The following GRK3 variants were observed in gnomAD, a reference collection of about 807,000 sequenced individuals.
The protein encoded by GRK3 is adrenergic, beta, receptor kinase 2.
Under a neutral mutation model 95.7 loss-of-function variants are expected in GRK3, and 54 were observed. The observed-to-expected ratio is 0.56, with a 90% confidence interval of 0.45 to 0.71. The LOEUF is 0.71. Among genes scored for constraint, GRK3 ranks in the 30% least tolerant of loss-of-function variants. GRK3 has a pLI of 0.00. For synonymous variants in GRK3, 281 were observed against 290.8 expected, an observed-to-expected ratio of 0.97 and a Z score of 0.34; for missense variants, 649 against 851.2, an observed-to-expected ratio of 0.76 and a Z score of 2.96.
chr22:25,681,456 A>G (rs915446208), intron 9 of GRK3, among the ~76,000 whole-genome samples: 12 of 151,026 alleles, frequency 7.9e-5, no homozygotes, highest in Admixed American at 5.9e-4. Context: ...GAGCCCAGGC[A>G]CGTGAGGTTG....
At chr22:25,596,049 A>G (rs2084370321) in intron 1 of GRK3, among the ~76,000 whole-genome samples, 1 of 152,232 alleles carries the variant, frequency 6.6e-6, no homozygotes, top group African/African-American at 2.4e-5. Context: ...AAGAACCACC[A>G]CCACCAACCA....
intron 2 of GRK3, among the ~76,000 whole-genome samples, chr22:25,612,077 C>T (rs1357648160): frequency 2.0e-5 from 3 of 152,134 alleles, no homozygotes; most frequent in African/African-American, 4.8e-5. Context: ...AGGCAATCCA[C>T]CCGCCTCGGC....
intron 15 of GRK3, among the ~76,000 whole-genome samples, chr22:25,705,241 A>G (rs146223291): frequency 4.3e-4 from 66 of 152,208 alleles, no homozygotes; most frequent in Middle Eastern, 3.4e-3. Flanking sequence ...TTGAAACGCT[A>G]TTTTGAGCTC....
chr22:25,695,695 C>G (rs1282186871), intron 13 of GRK3, among the ~76,000 whole-genome samples: 1 of 152,054 alleles, frequency 6.6e-6, no homozygotes, highest in Non-Finnish European at 1.5e-5. Context: ...TCTCTGTTGC[C>G]TGGCTGCAGT....
At chr22:25,638,106 G>A (rs1470364387) in intron 2 of GRK3, among the ~76,000 whole-genome samples, 2 of 152,058 alleles carry the variant, frequency 1.3e-5, no homozygotes, top group East Asian at 1.9e-4. Flanking sequence ...CTTACACCAC[G>A]ATTAATCTCC....
intron 16 of GRK3, among the ~76,000 whole-genome samples, chr22:25,710,739 G>GT (rs905715590): frequency 2.8e-4 from 43 of 152,328 alleles, no homozygotes; most frequent in African/African-American, 1.0e-3. Flanking sequence ...CAAAGGTGGT[G>GT]TTGCGTCCTC....
intron 11 of GRK3, among the ~76,000 whole-genome samples, chr22:25,687,995 GGGAGGCCAA>G (rs1260107866): frequency 3.3e-5 from 5 of 152,160 alleles, no homozygotes; most frequent in Admixed American, 1.3e-4. Context: ...CCAGCACTTT[GGGAGGCCAA>G]GGAGGGCGGA....
At chr22:25,573,158 C>T (rs759609255) in intron 1 of GRK3, among the ~76,000 whole-genome samples, 3 of 152,222 alleles carry the variant, frequency 2.0e-5, no homozygotes, top group Non-Finnish European at 4.4e-5. Flanking sequence ...AAGCTGTCCC[C>T]AGCTCCTTTA....
At position 25,714,691 on chromosome 22, in the gene GRK3, A is replaced by G. The variant is rs936765167; in HGVS notation, c.1654+121A>G. On this transcript the variant is annotated intron_variant, in intron 18 of 20. Coordinates refer to ENST00000324198, the MANE Select transcript of GRK3 (RefSeq NM_005160.4). ...GCAGTCGAGAAGAAAGCAATGCCAT[A>G]AATCGCTTTAGTTTGCTCTGGCTTG... 33 of 921,080 alleles carry G rather than the reference A, an allele frequency of 3.6e-5. No homozygotes were observed. The Middle Eastern group carries it at 1.0e-3, about 29-fold the overall frequency. 57.1% of individuals were successfully genotyped at this position (921,080 alleles called of 1,614,324 possible). A position where few individuals can be genotyped will look rare whatever the true frequency, so the allele number is the denominator to read the frequency against.
Position 25,726,134 on chromosome 22 carries a change from T to C in GRK3, c.*3684T>C, listed in dbSNP as rs1398160254. On this transcript the variant is annotated 3_prime_UTR_variant, in exon 21 of 21. Transcript: ENST00000324198. ...GACTGTTTGAAGGCCACACTGGTCA[T>C]CTACAAAGTAATGTTTACCAATTGA... is the stretch of plus-strand genomic sequence containing the variant. 1 of 152,212 alleles carries C rather than the reference T, an allele frequency of 6.6e-6. No individual in the cohort carries two copies. Among genetic ancestry groups the C allele is most frequent in the Non-Finnish European group, 1.5e-5 (1 of 68,060 alleles). The allele number at this position is 152,212 out of a possible 1,614,324, so 9.4% of individuals were successfully genotyped here. A position where few individuals can be genotyped will look rare whatever the true frequency, so the allele number is the denominator to read the frequency against.
intron 1 of GRK3, among the ~76,000 whole-genome samples, chr22:25,577,654 T>G (rs1601446552): frequency 6.6e-6 from 1 of 152,360 alleles, no homozygotes; most frequent in East Asian, 1.9e-4. Context: ...GCTTTTGCCT[T>G]CTTCACCTAG....
chr22:25,700,231 A>G (rs1227581232), intron 13 of GRK3, among the ~76,000 whole-genome samples: 4 of 152,240 alleles, frequency 2.6e-5, no homozygotes, highest in Non-Finnish European at 5.9e-5. Context: ...AGTGCTGGTC[A>G]CTACTTCTAT....
chr22:25,580,691 GC>G (rs1454786530), intron 1 of GRK3: 1 of 152,164 alleles, frequency 6.6e-6, no homozygotes. Flanking sequence ...CTGCCACCAT[GC>G]CCACAGCTAA....
intron 7 of GRK3, among the ~76,000 whole-genome samples, chr22:25,672,685 CCTTTT>C (rs935718263): frequency 1.3e-5 from 2 of 152,024 alleles, no homozygotes; most frequent in African/African-American, 4.8e-5. Flanking sequence ...TGGTAGAGTT[CCTTTT>C]CTTTTTCTTA....
chr22:25,678,271 G>T (rs111314212), intron 8 of GRK3, among the ~76,000 whole-genome samples: 1 of 151,992 alleles, frequency 6.6e-6, no homozygotes, highest in African/African-American at 2.4e-5. Flanking sequence ...TGGCTAACAC[G>T]GTGAAACCCC....
chr22:25,583,409 G>A (rs1932176712), intron 1 of GRK3, among the ~76,000 whole-genome samples: 1 of 149,414 alleles, frequency 6.7e-6, no homozygotes, highest in Non-Finnish European at 1.5e-5. Context: ...GTTCCATTAG[G>A]TTATTTGGGG....
Position 25,714,644 on chromosome 22 carries a change from T to C in GRK3, c.1654+74T>C, listed in dbSNP as rs1432298860. On this transcript the variant is annotated intron_variant, in intron 18 of 20. Coordinates refer to ENST00000324198, the MANE Select transcript of GRK3 (RefSeq NM_005160.4). ...AAAATTTCTTGTAAAGCTGAAAAAGTATTTGGGTCGTAAGGTATTTTGCAG... is the reference window on the plus strand; with the variant it reads ...AAAATTTCTTGTAAAGCTGAAAAAGCATTTGGGTCGTAAGGTATTTTGCAG... The C allele has an allele frequency of 5.0e-6, 7 of 1,389,618 alleles. No individual in the cohort carries two copies. The Admixed American group carries it at 7.7e-5, about 15-fold the overall frequency. The allele number at this position is 1,389,618 out of a possible 1,614,324, so 86.1% of individuals were successfully genotyped here.
chr22:25,581,597 G>C (rs899601284), intron 1 of GRK3, among the ~76,000 whole-genome samples: 1 of 152,104 alleles, frequency 6.6e-6, no homozygotes, highest in African/African-American at 2.4e-5. Flanking sequence ...TCCAACCAGA[G>C]TGGACAGATT....
chr22:25,711,550 C>G (rs1227154680), intron 17 of GRK3, among the ~76,000 whole-genome samples: 2 of 152,110 alleles, frequency 1.3e-5, no homozygotes, highest in Non-Finnish European at 2.9e-5. Flanking sequence ...AAAGAGCAAA[C>G]AGCATGAATC....
Sources: allele counts gnomAD v4.1 joint callset (sites outside exome capture counted in the v4.1 genomes callset), GRCh38; gene constraint gnomAD v4.1.1; transcripts MANE v1.5; gene names NCBI Gene and HGNC (gene_info 2026-07-23, HGNC 2026-07-21).